The following GDA variants were observed in gnomAD, a reference collection of about 807,000 sequenced individuals.
The protein encoded by GDA is cytoplasmic PSD-95 interactor.
GDA carries 18 observed loss-of-function variants against 59.6 expected under a neutral mutation model. The ratio of observed to expected loss-of-function variants is 0.30; its 90% CI spans 0.21 to 0.45. The LOEUF (loss-of-function observed/expected upper bound fraction) is 0.45, where lower values mean the gene tolerates loss of function less well. Ranked by LOEUF, GDA falls within the 20% of genes least tolerant of loss-of-function variation. The probability of loss-of-function intolerance (pLI) is 1.00; values close to 1 mark genes in which losing one functional copy is unlikely to be tolerated. For synonymous variants in GDA, 201 were observed against 201.1 expected (o/e 1.00, Z 0.00); for missense variants, 427 against 552.3 (o/e 0.77, Z 2.27).
chr9:72,158,711 T>G (rs1828241447), intron 1 of GDA, among the ~76,000 whole-genome samples: 1 of 152,200 alleles, frequency 6.6e-6, no homozygotes, highest in African/African-American at 2.4e-5. Flanking sequence ...CCTTTGATTA[T>G]ACTTAGCTTT....
chr9:72,212,209 G>A (rs910987939), intron 4 of GDA, among the ~76,000 whole-genome samples: 19 of 152,118 alleles, frequency 1.2e-4, no homozygotes, highest in Non-Finnish European at 1.8e-4. Context: ...ATGGCCAGGC[G>A]CGGTGGTTAA....
chr9:72,178,926 G>T (rs1385425817), intron 1 of GDA, among the ~76,000 whole-genome samples: 1 of 152,024 alleles, frequency 6.6e-6, no homozygotes, highest in Non-Finnish European at 1.5e-5. Context: ...TATATATGGG[G>T]TCTCTGCCTT....
At chr9:72,178,466 G>A (rs190736119) in intron 1 of GDA, among the ~76,000 whole-genome samples, 357 of 141,860 alleles carry the variant, frequency 2.5e-3, no homozygotes, top group African/African-American at 9.3e-3. Flanking sequence ...TGCCCAGGCT[G>A]GAGTGCAATG....
At chr9:72,126,524 T>C (rs948470662) in intron 1 of GDA, among the ~76,000 whole-genome samples, 8 of 150,938 alleles carry the variant, frequency 5.3e-5, no homozygotes, top group Non-Finnish European at 1.0e-4. Flanking sequence ...GGAACTAGGA[T>C]GACAACAAGA....
intron 1 of GDA, among the ~76,000 whole-genome samples, chr9:72,159,165 G>T (rs1399290449): frequency 6.6e-6 from 1 of 152,164 alleles, no homozygotes; most frequent in Admixed American, 6.5e-5. Context: ...CAAAAACGAG[G>T]CAGGCAGATC....
chr9:72,147,798 G>A (rs935420675), upstream of GDA, among the ~76,000 whole-genome samples: 1 of 152,174 alleles, frequency 6.6e-6, no homozygotes, highest in Non-Finnish European at 1.5e-5. Flanking sequence ...TTTTCAGTGT[G>A]CTGGCTGTCG....
Position 72,250,286 on chromosome 9 carries a change from A to G in GDA, c.*1944A>G. The G allele has an allele frequency of 1.0e-6, 1 of 1,003,106 alleles. No homozygotes were observed. The highest frequency in any genetic ancestry group is 1.2e-6 in the Non-Finnish European group (1 of 841,638). The allele number at this position is 1,003,106 out of a possible 1,614,324, so 62.1% of individuals were successfully genotyped here. ...CTGCTTCTAGCATTTGCAAGATCCT[A>G]CACTTTTACCTTCTTTAAGGGTGTA... On this transcript the variant is annotated 3_prime_UTR_variant, in exon 14 of 14. Coordinates refer to ENST00000358399, the MANE Select transcript of GDA (RefSeq NM_004293.5).
At chr9:72,149,869 C>G (rs1291592257) in intron 1 of GDA, among the ~76,000 whole-genome samples, 187 bp downstream of exon 1, 1 of 152,210 alleles carries the variant, frequency 6.6e-6, no homozygotes, top group Non-Finnish European at 1.5e-5. Flanking sequence ...CGTGGGCTGG[C>G]TGGGGAGTTC....
chr9:72,124,166 T>C (rs748024900), intron 1 of GDA, among the ~76,000 whole-genome samples: 2 of 152,214 alleles, frequency 1.3e-5, no homozygotes, highest in Non-Finnish European at 2.9e-5. Context: ...GGCTATATAG[T>C]GGAAACCACC....
chr9:72,232,182 G>A (rs13283169), intron 10 of GDA, among the ~76,000 whole-genome samples: 74 of 152,168 alleles, frequency 4.9e-4, no homozygotes, highest in Non-Finnish European at 9.4e-4. Flanking sequence ...GCAGGAGGAC[G>A]TGTTTTCTGT....
At chr9:72,194,455 A>G (rs1271467409) in intron 1 of GDA, among the ~76,000 whole-genome samples, 1 of 152,080 alleles carries the variant, frequency 6.6e-6, no homozygotes, top group African/African-American at 2.4e-5. Context: ...CAGGTGCCCT[A>G]TCCTGCTGTG....
At chr9:72,228,396 T>A (rs1345119262) in intron 9 of GDA, 5 of 229,344 alleles carry the variant, frequency 2.2e-5, no homozygotes, top group African/African-American at 1.2e-4. Context: ...GTTTGTGCTG[T>A]AGTGTGAGAA....
At position 72,166,051 on chromosome 9, in the gene GDA, A is replaced by G. The variant is rs550061483; in HGVS notation, c.123+16369A>G. Among the ~76,000 whole-genome samples the G allele has an allele frequency of 5.9e-3, 906 of 152,336 alleles. 6 individuals carry two copies. Among genetic ancestry groups the G allele is most frequent in the Non-Finnish European group, 0.011 (726 of 68,030 alleles). ...ACAATGAAGATTTAATCTAGTTGAG[A>G]AAAACAACACATAGGTGACTCACAT... On this transcript the variant is annotated intron_variant, in intron 1 of 13. Transcript: ENST00000358399.
chr9:72,222,065 G>A (rs924349132), intron 6 of GDA, among the ~76,000 whole-genome samples: 1 of 152,122 alleles, frequency 6.6e-6, no homozygotes, highest in Non-Finnish European at 1.5e-5. Context: ...TTTCCTTTTG[G>A]TATATACCCT....
chr9:72,123,453 G>A (rs1289644874), intron 1 of GDA, among the ~76,000 whole-genome samples: 3 of 149,582 alleles, frequency 2.0e-5, no homozygotes, highest in African/African-American at 7.4e-5. Context: ...AAAGTGCTGG[G>A]ATGACAGGCG....
At chr9:72,183,079 T>C (rs1253643029) in intron 1 of GDA, among the ~76,000 whole-genome samples, 3 of 152,156 alleles carry the variant, frequency 2.0e-5, no homozygotes, top group Non-Finnish European at 2.9e-5. Context: ...GAATGAGCCC[T>C]GGAGTCACTT....
In GDA at chr9:72,133,287, T is replaced by TA. The variant is rs1257876460; in HGVS notation, c.-100+18477dup. On this transcript the variant is annotated intron_variant, in intron 1 of 13. Transcript: ENST00000545168. ...CCAGGTGACAAAGCAAGACTCTGTCTAAAAAAAAAAAAAAAAAAAAAAATA... is the reference window on the plus strand; with the variant it reads ...CCAGGTGACAAAGCAAGACTCTGTCTAAAAAAAAAAAAAAAAAAAAAAAATA... Among the ~76,000 whole-genome samples the TA allele has an allele frequency of 2.8e-3, 264 of 95,506 alleles. 1 individual carries two copies. The highest frequency in any genetic ancestry group is 6.7e-3 in the African/African-American group (154 of 23,076). The allele number at this position is 95,506 out of a possible 152,430, so 62.7% of individuals were successfully genotyped here.
chr9:72,183,225 GTATGTAAATA>G (rs1425134129), intron 1 of GDA, among the ~76,000 whole-genome samples: 12 of 152,096 alleles, frequency 7.9e-5, no homozygotes, highest in Non-Finnish European at 1.3e-4. Flanking sequence ...GTATATGTAT[GTATGTAAATA>G]TATGTAAATA....
intron 10 of GDA, among the ~76,000 whole-genome samples, chr9:72,231,867 T>C (rs144391713): frequency 2.0e-3 from 307 of 152,354 alleles, no homozygotes; most frequent in African/African-American, 7.1e-3. Context: ...ATGACAGAAT[T>C]GAGAATTCGG....
Sources: allele counts gnomAD v4.1 joint callset (sites outside exome capture counted in the v4.1 genomes callset), GRCh38; gene constraint gnomAD v4.1.1; transcripts MANE v1.5; gene names NCBI Gene and HGNC (gene_info 2026-07-23, HGNC 2026-07-21).